Variants in ZZEF1 observed in about 807,000 individuals in gnomAD.
ZZEF1 encodes the protein zinc finger ZZ-type and EF-hand domain containing 1, also known as zinc finger ZZ-type and EF-hand domain-containing protein 1.
A neutral mutation model predicts 342.8 loss-of-function variants in ZZEF1; 157 were observed. The observed-to-expected ratio is 0.46, with a 90% CI of 0.40 to 0.52. ZZEF1 has a LOEUF of 0.52. ZZEF1 is among the 20% of genes least tolerant of loss of function. The pLI, the probability that ZZEF1 is intolerant of heterozygous loss-of-function variation, is 0.00. For missense variants in ZZEF1, 3,480 were observed against 3,725.6 expected (o/e 0.93, Z 1.72); for synonymous variants, 1,505 against 1,429.1 (o/e 1.05, Z -1.20).
rs1006641662 is a variant in ZZEF1, at chr17:4,004,685, A to C, written c.*2205T>G. 2 of 152,458 alleles carry C rather than the reference A, an allele frequency of 1.3e-5. No individual in the cohort carries two copies. Among genetic ancestry groups the C allele is most frequent in the Non-Finnish European group, 2.9e-5 (2 of 68,040 alleles). The allele number at this position is 152,458 out of a possible 1,614,324, so 9.4% of individuals were successfully genotyped here. A position where few individuals can be genotyped will look rare whatever the true frequency, so the allele number is the denominator to read the frequency against. On this transcript the variant is annotated 3_prime_UTR_variant, in exon 55 of 55. Transcript: ENST00000381638. ...TTGTACAACAGGTATGCTCTGGAAC[A>C]GGATTTCTTTACAGCGTAGGCACGT...
chr17:4,140,614 C>T (rs2058828015), intron 1 of ZZEF1, among the ~76,000 whole-genome samples: 1 of 152,170 alleles, frequency 6.6e-6, no homozygotes, highest in Admixed American at 6.6e-5. Context: ...AACAATAATG[C>T]CACAACCCCT....
In ZZEF1 at chr17:4,006,794, G is replaced by C. The variant is rs1400209643; in HGVS notation, c.*96C>G. The C allele has an allele frequency of 2.3e-6, 3 of 1,321,320 alleles. No homozygotes were observed. The African/African-American group carries it at 4.4e-5, about 19-fold the overall frequency. The allele number at this position is 1,321,320 out of a possible 1,614,324, so 81.8% of individuals were successfully genotyped here. ...GAGTGGTCAGCTCAAGGAGAGCTGG[G>C]CACTGGCGCTACAGGAGTTTTCCTG... On this transcript the variant is annotated 3_prime_UTR_variant, in exon 55 of 55. Transcript: ENST00000381638.
At chr17:4,060,013 C>T (rs917115179) in intron 30 of ZZEF1, among the ~76,000 whole-genome samples, 5 of 152,250 alleles carry the variant, frequency 3.3e-5, no homozygotes, top group East Asian at 3.8e-4. Flanking sequence ...CATGCTTTCT[C>T]TCTGCTCCCT....
intron 52 of ZZEF1, among the ~76,000 whole-genome samples, chr17:4,011,689 AT>A (rs2055962072): frequency 6.6e-6 from 1 of 152,024 alleles, no homozygotes; most frequent in South Asian, 2.1e-4. Context: ...ATAATATTGG[AT>A]TTTGCTTTTT....
rs2058027829 is a variant in ZZEF1, at chr17:4,096,036, T to C, written c.1765-57A>G. 4 of 1,534,064 alleles carry C rather than the reference T, an allele frequency of 2.6e-6. No homozygotes were observed. The African/African-American group carries it at 5.5e-5, about 21-fold the overall frequency. On this transcript the variant is annotated intron_variant, in intron 10 of 54. Coordinates refer to ENST00000381638, the MANE Select transcript of ZZEF1 (RefSeq NM_015113.4). ...AAGGGGCAAAAGTTCTGTGGCCGTT[T>C]TGTTTCCAGCATGGTTAAATTCAAA...
At position 4,132,700 on chromosome 17, in the gene ZZEF1, CGGGCGCCTGT is replaced by C. The variant is rs2058682954; in HGVS notation, c.355-8659_355-8650del. On this transcript the variant is annotated intron_variant, in intron 1 of 54. Transcript: ENST00000381638. Reference sequence around the variant, plus strand: ...ACAAAAAATTAGCCGGGTGTGGTGGCGGGCGCCTGTAATCCCAGCACTTTGGGAGGCCGAG... The same window carrying C: ...ACAAAAAATTAGCCGGGTGTGGTGGCAATCCCAGCACTTTGGGAGGCCGAG... Among the ~76,000 whole-genome samples, 8 of 120,434 alleles carry C rather than the reference CGGGCGCCTGT, an allele frequency of 6.6e-5. No individual in the cohort carries two copies. The South Asian group carries it at 9.6e-4, about 14-fold the overall frequency. 79.0% of individuals were successfully genotyped at this position (120,434 alleles called of 152,430 possible).
intron 42 of ZZEF1, among the ~76,000 whole-genome samples, chr17:4,030,044 A>T (rs2056507779): frequency 6.7e-6 from 1 of 148,800 alleles, no homozygotes; most frequent in Non-Finnish European, 1.5e-5. Flanking sequence ...AAAAAAAAAG[A>T]AAAGAAAAGA....
rs373981810 is a variant in ZZEF1 at position 4,034,221 on chromosome 17, T to C, written c.6378A>G (p.Ala2126=). 7 of 1,614,052 alleles carry C rather than the reference T, an allele frequency of 4.3e-6. No homozygotes were observed. The highest frequency in any genetic ancestry group is 5.9e-6 in the Non-Finnish European group (7 of 1,180,044). ...PLMFQVVISN[A]GHLNETYHLT... is the part of the protein sequence containing the mutation. The stretch of plus-strand genomic sequence containing the variant: ...GATGGTAGGTTTCATTCAGGTGGCC[T>C]GCGTTTGAGATGACAACCTGAAACA... The change falls in exon 40 of 55, where the codon GCA becomes GCG. Residue 2126 remains alanine, a synonymous_variant. Transcript: ENST00000381638.
chr17:4,087,456 A>C lies in ZZEF1; in HGVS notation c.2320T>G (p.Phe774Val). The change falls in exon 14 of 55, where the codon TTT (phenylalanine) becomes GTT (valine). Residue 774 changes from phenylalanine to valine, a missense_variant. Physicochemically the swap from Phe to Val is conservative, Grantham distance 50 (BLOSUM62 -1). Around this residue, in one of 5 missense-constraint regions of ZZEF1, gnomAD observed 1,528 missense variants for 1,624.1 expected, o/e 0.94. Coordinates refer to ENST00000381638, the MANE Select transcript of ZZEF1 (RefSeq NM_015113.4). ...TACTTTTGCTTTAATTTACTGTAAA[A>C]ATTCCAGAAGATCTGCAAATCAAGA... ...AGLDLQIFWN[F>V]YSKLKQNPRE... 1.2e-6 allele frequency: 2 copies of C among 1,610,762 alleles called. No individual in the cohort carries two copies. Among genetic ancestry groups the C allele is most frequent in the Non-Finnish European group, 1.7e-6 (2 of 1,179,198 alleles).
intron 24 of ZZEF1, among the ~76,000 whole-genome samples, chr17:4,073,017 T>C (rs2057540490): frequency 6.6e-6 from 1 of 152,208 alleles, no homozygotes; most frequent in Admixed American, 6.5e-5. Context: ...CTGTTTATAG[T>C]AAGCTGAAAA....
chr17:4,096,007 A>G (rs772800649), intron 10 of ZZEF1, 28 bp from the exon 11 acceptor site: 1 of 1,575,096 alleles, frequency 6.3e-7, no homozygotes, highest in East Asian at 2.3e-5. Flanking sequence ...GATGAAGTCT[A>G]TCAAAGGGGC....
In ZZEF1 at chr17:4,050,885, T is replaced by C; in HGVS notation, c.5759A>G (p.Asp1920Gly). ...SAHLASAEDV[D>G]GEKLDPQTRS... ...CGTCTGGGGGTCCAGCTTCTCCCCATCCACATCCTCTGCACTGGCCAGGTG... is the reference window on the plus strand; with the variant it reads ...CGTCTGGGGGTCCAGCTTCTCCCCACCCACATCCTCTGCACTGGCCAGGTG... Residue 1920 changes from aspartate to glycine, a missense_variant, in exon 36 of 55, where the codon GAT (aspartate) becomes GGT (glycine). Physicochemically the swap from Asp to Gly is moderately conservative, Grantham distance 94. Transcript: ENST00000381638. 6.2e-7 allele frequency: 1 copy of C among 1,614,196 alleles called. No homozygotes were observed. Among genetic ancestry groups the C allele is most frequent in the Non-Finnish European group, 8.5e-7 (1 of 1,180,030 alleles).
chr17:4,123,268 C>CATATAAATATAT (rs2058514996), intron 2 of ZZEF1, among the ~76,000 whole-genome samples: 1 of 85,340 alleles, frequency 1.2e-5, no homozygotes, highest in African/African-American at 4.4e-5. Flanking sequence ...TTATCATAAC[C>CATATAAATATAT]ATATATATAT....
chr17:4,126,758 G>T (rs1055470961), intron 1 of ZZEF1, among the ~76,000 whole-genome samples: 4 of 152,126 alleles, frequency 2.6e-5, no homozygotes, highest in Non-Finnish European at 5.9e-5. Context: ...TTCAGGCCAG[G>T]AGTTCAAGAC....
At position 4,087,498 on chromosome 17, in the gene ZZEF1, A is replaced by G; in HGVS notation, c.2278T>C (p.Phe760Leu). Residue 760 changes from phenylalanine (F) to leucine (L), a missense_variant, in exon 14 of 55, where the codon TTT becomes CTT. Physicochemically the swap from Phe to Leu is conservative, Grantham distance 22 (BLOSUM62 0). Around this residue, in one of 5 missense-constraint regions of ZZEF1, gnomAD observed 1,528 missense variants for 1,624.1 expected, o/e 0.94. Coordinates refer to ENST00000381638, the MANE Select transcript of ZZEF1 (RefSeq NM_015113.4). ...AAATCAAGACCCGCGAAGTCCAGAA[A>G]AGATTTATATTTTAAGCCACTTTCC... is the stretch of plus-strand genomic sequence containing the variant. Reference protein sequence around the residue: ...QKESGLKYKSFLDFAGLDLQI... With the variant: ...QKESGLKYKSLLDFAGLDLQI... 4 of 1,610,970 alleles carry G rather than the reference A, an allele frequency of 2.5e-6. No individual in the cohort carries two copies. Among genetic ancestry groups the G allele is most frequent in the Non-Finnish European group, 3.4e-6 (4 of 1,179,276 alleles).
intron 1 of ZZEF1, among the ~76,000 whole-genome samples, chr17:4,130,790 G>A (rs779463657): frequency 6.6e-6 from 1 of 152,190 alleles, no homozygotes; most frequent in Non-Finnish European, 1.5e-5. Flanking sequence ...AAGGACATGA[G>A]TTCCGTGACT....
chr17:4,091,100 T>C (rs1304439880), intron 11 of ZZEF1, among the ~76,000 whole-genome samples: 1 of 152,216 alleles, frequency 6.6e-6, no homozygotes, highest in East Asian at 1.9e-4. Context: ...ATCTGAAGAA[T>C]GAGACAGAAA....
At chr17:4,033,229 A>G in intron 40 of ZZEF1, 1 of 462,446 alleles carries the variant, frequency 2.2e-6, no homozygotes, top group Non-Finnish European at 3.9e-6. Flanking sequence ...AAAAATATCT[A>G]TAAAAATCAC....
intron 42 of ZZEF1, among the ~76,000 whole-genome samples, chr17:4,027,496 T>C (rs1327830562): frequency 6.6e-6 from 1 of 151,592 alleles, no homozygotes; most frequent in African/African-American, 2.4e-5. Flanking sequence ...GGTTTCACCA[T>C]GTTGGCCAGG....
Sources: gnomAD v4.1 joint callset for allele counts (sites outside exome capture counted in the v4.1 genomes callset) on GRCh38, gnomAD v4.1.1 for gene constraint, gnomAD v4.1.1 regional missense constraint, MANE v1.5 for transcripts, NCBI Gene and HGNC (gene_info 2026-07-23, HGNC 2026-07-21) for gene names.